The following B3GALT1 variants were observed in gnomAD, a reference collection of about 807,000 sequenced individuals.
The protein encoded by B3GALT1 is UDP-Gal:betaGlcNAc beta 1,3-galactosyltransferase, polypeptide 1.
A neutral mutation model predicts 23.2 loss-of-function variants in B3GALT1; 10 were observed. The ratio of observed to expected loss-of-function variants is 0.43; its 90% CI spans 0.27 to 0.73. B3GALT1 has a LOEUF of 0.73. Among genes scored for constraint, B3GALT1 ranks in the 30% least tolerant of loss-of-function variants. B3GALT1 has a pLI of 0.21. For missense variants in B3GALT1, 299 were observed against 405.4 expected, an observed-to-expected ratio of 0.74 and a Z score of 2.25; for synonymous variants, 156 against 141.5, an observed-to-expected ratio of 1.10 and a Z score of -0.73.
chr2:167,378,489 C>T (rs1478384), intron 1 of B3GALT1, among the ~76,000 whole-genome samples: 122,798 of 151,970 alleles, frequency 0.81, 51,399 homozygotes, highest in East Asian at 0.92. Flanking sequence ...TTAAATAATA[C>T]CATATTTCTT....
At chr2:167,489,931 A>G (rs6433000) in intron 1 of B3GALT1, among the ~76,000 whole-genome samples, 77,465 of 151,984 alleles carry the variant, frequency 0.51, 22,467 homozygotes, top group East Asian at 0.98. Context: ...TAAAGACATC[A>G]TTTATTCAAA....
At chr2:167,610,740 A>G (rs1016126306) in intron 2 of B3GALT1, among the ~76,000 whole-genome samples, 5 of 151,950 alleles carry the variant, frequency 3.3e-5, no homozygotes, top group African/African-American at 1.2e-4. Context: ...TGTTTGGAAC[A>G]AGTGTGCATG....
chr2:167,660,985 G>C (rs1401956828), intron 3 of B3GALT1, among the ~76,000 whole-genome samples: 1 of 152,046 alleles, frequency 6.6e-6, no homozygotes, highest in Non-Finnish European at 1.5e-5. Context: ...GTTTGGGATT[G>C]TTAATGAAAT....
In B3GALT1 at chr2:167,769,783, T is replaced by C. The variant is rs143225365; in HGVS notation, c.-351-48889T>C. On this transcript the variant is annotated intron_variant, in intron 3 of 4. Coordinates refer to ENST00000392690, the MANE Select transcript of B3GALT1 (RefSeq NM_020981.4). Reference sequence around the variant, plus strand: ...TCTGAGTAGTATTCCATTATACGGATGTGCCACAGTTTATTTATCTATTCC... The same window carrying C: ...TCTGAGTAGTATTCCATTATACGGACGTGCCACAGTTTATTTATCTATTCC... Among the ~76,000 whole-genome samples, 14 of 152,306 alleles carry C rather than the reference T, an allele frequency of 9.2e-5. No individual in the cohort carries two copies. The East Asian group carries it at 2.7e-3, about 29-fold the overall frequency.
chr2:167,638,547 T>A (rs1479647306), intron 2 of B3GALT1, among the ~76,000 whole-genome samples: 2 of 152,044 alleles, frequency 1.3e-5, no homozygotes, highest in African/African-American at 4.8e-5. Flanking sequence ...CATACTCCAG[T>A]GACTCTAAGG....
chr2:167,671,138 A>G (rs958554636), intron 3 of B3GALT1, among the ~76,000 whole-genome samples: 6 of 152,212 alleles, frequency 3.9e-5, no homozygotes, highest in Non-Finnish European at 8.8e-5. Context: ...TATGCACCCA[A>G]TGTTGGGACA....
At chr2:167,805,758 G>C (rs1007786927) in intron 3 of B3GALT1, among the ~76,000 whole-genome samples, 2 of 152,202 alleles carry the variant, frequency 1.3e-5, no homozygotes, top group African/African-American at 4.8e-5. Flanking sequence ...AAGTCAGGTA[G>C]TGTGATGCCT....
At chr2:167,620,250 A>G (rs1406651700) in intron 2 of B3GALT1, among the ~76,000 whole-genome samples, 1 of 152,088 alleles carries the variant, frequency 6.6e-6, no homozygotes, top group Non-Finnish European at 1.5e-5. Flanking sequence ...TGTCCATAGA[A>G]TTGCTAAATA....
chr2:167,398,352 T>C (rs1337530319), intron 1 of B3GALT1, among the ~76,000 whole-genome samples: 1 of 152,092 alleles, frequency 6.6e-6, no homozygotes, highest in Admixed American at 6.6e-5. Flanking sequence ...TCTAGTCTTT[T>C]CTCTCTCCCT....
chr2:167,537,168 T>C (rs1402680438), intron 2 of B3GALT1, among the ~76,000 whole-genome samples: 1 of 152,150 alleles, frequency 6.6e-6, no homozygotes, highest in Non-Finnish European at 1.5e-5. Flanking sequence ...GTGTCAGGTC[T>C]TACCTGATGG....
chr2:167,385,364 C>T (rs1284289292), intron 1 of B3GALT1, among the ~76,000 whole-genome samples: 1 of 152,170 alleles, frequency 6.6e-6, no homozygotes, highest in Non-Finnish European at 1.5e-5. Flanking sequence ...TTTAGTGTAA[C>T]TGTATTTAAA....
intron 3 of B3GALT1, among the ~76,000 whole-genome samples, chr2:167,813,306 G>A (rs1409351891): frequency 5.9e-5 from 9 of 152,240 alleles, no homozygotes; most frequent in Non-Finnish European, 1.0e-4. Flanking sequence ...TGCTCCCAAT[G>A]ATTTCATGTC....
intron 1 of B3GALT1, among the ~76,000 whole-genome samples, chr2:167,362,217 C>G (rs1009695800): frequency 1.3e-5 from 2 of 151,888 alleles, no homozygotes; most frequent in Admixed American, 6.6e-5. Flanking sequence ...ACTGTTTTTC[C>G]ACTTTTGACT....
At chr2:167,698,106 T>C (rs1686814755) in intron 3 of B3GALT1, among the ~76,000 whole-genome samples, 1 of 151,772 alleles carries the variant, frequency 6.6e-6, no homozygotes. Context: ...GGGCTGGTCT[T>C]AGGAAGCTTG....
intron 2 of B3GALT1, among the ~76,000 whole-genome samples, chr2:167,561,574 A>G (rs1233809552): frequency 6.6e-6 from 1 of 152,164 alleles, no homozygotes; most frequent in Non-Finnish European, 1.5e-5. Context: ...CTAATGAAGA[A>G]AAAAAGAGAG....
intron 2 of B3GALT1, among the ~76,000 whole-genome samples, chr2:167,581,704 A>G (rs1420683095): frequency 6.6e-6 from 1 of 152,246 alleles, no homozygotes; most frequent in Non-Finnish European, 1.5e-5. Flanking sequence ...CATAATGTCC[A>G]TTAAATCAGA....
At chr2:167,401,531 G>A (rs1698189244) in intron 1 of B3GALT1, among the ~76,000 whole-genome samples, 1 of 152,020 alleles carries the variant, frequency 6.6e-6, no homozygotes, top group Admixed American at 6.6e-5. Context: ...TCTTTCCCTA[G>A]CAGGCTGCCT....
intron 2 of B3GALT1, among the ~76,000 whole-genome samples, chr2:167,512,161 G>A (rs994499603): frequency 3.3e-5 from 5 of 151,872 alleles, no homozygotes; most frequent in African/African-American, 1.2e-4. Context: ...GTAATATTGA[G>A]CATCCTTTTC....
intron 3 of B3GALT1, among the ~76,000 whole-genome samples, chr2:167,756,095 A>AT (rs1333752855): frequency 6.6e-6 from 1 of 152,168 alleles, no homozygotes; most frequent in Non-Finnish European, 1.5e-5. Context: ...AAATATTCAG[A>AT]TTCTTTTGAG....
Sources: gnomAD v4.1 joint callset for allele counts (sites outside exome capture counted in the v4.1 genomes callset) on GRCh38, gnomAD v4.1.1 for gene constraint, MANE v1.5 for transcripts, NCBI Gene and HGNC (gene_info 2026-07-23, HGNC 2026-07-21) for gene names.